The following BCAS3 variants were observed in gnomAD, a reference collection of about 807,000 sequenced individuals.
BCAS3 encodes the protein BCAS3 microtubule associated cell migration factor, also known as BCAS4/BCAS3 fusion.
A neutral mutation model predicts 116.1 loss-of-function variants in BCAS3; 53 were observed. That is an observed-to-expected ratio of 0.46 (90% confidence interval 0.37 to 0.57). The LOEUF is 0.57. Ranked by LOEUF, BCAS3 falls within the 20% of genes least tolerant of loss-of-function variation. BCAS3 has a pLI of 0.00. For synonymous variants in BCAS3, 391 were observed against 408.2 expected (o/e 0.96, Z 0.51); for missense variants, 917 against 1,165.4 (o/e 0.79, Z 3.10).
At chr17:60,823,506 G>A (rs889356375) in intron 7 of BCAS3, among the ~76,000 whole-genome samples, 3 of 152,000 alleles carry the variant, frequency 2.0e-5, no homozygotes, top group African/African-American at 7.3e-5. Flanking sequence ...CAAGGCTGCG[G>A]TGAGTTGTGA....
intron 22 of BCAS3, among the ~76,000 whole-genome samples, chr17:61,237,459 C>T (rs909795269): frequency 3.3e-5 from 5 of 152,208 alleles, no homozygotes; most frequent in Admixed American, 2.0e-4. Context: ...CCGCCAGCAG[C>T]GGCAACCCAC....
At chr17:61,167,727 G>A (rs954276370) in intron 22 of BCAS3, among the ~76,000 whole-genome samples, 4 of 152,170 alleles carry the variant, frequency 2.6e-5, no homozygotes, top group African/African-American at 9.7e-5. Context: ...AGACATTGGA[G>A]GAGAAACCCT....
intron 22 of BCAS3, among the ~76,000 whole-genome samples, chr17:61,298,819 TTTATTA>T (rs1555814151): frequency 1.0e-4 from 10 of 98,092 alleles, no homozygotes; most frequent in Non-Finnish European, 1.6e-4. Flanking sequence ...TATTTATTTA[TTTATTA>T]TTATTATTAT....
rs2050934065 is a variant in BCAS3, at chr17:61,278,166, C to T, written c.2426-90161C>T. 6.6e-6 allele frequency among the ~76,000 whole-genome samples: 1 copy of T among 152,170 alleles called. No homozygotes were observed. Among genetic ancestry groups the T allele is most frequent in the South Asian group, 2.1e-4 (1 of 4,826 alleles). ...CAAGCAATTCTCCTGCCTCAGCCTC[C>T]CGAGTAGCTGGGATTACAGACACAT... On this transcript the variant is annotated intron_variant, in intron 22 of 23. Coordinates refer to ENST00000407086, the MANE Select transcript of BCAS3 (RefSeq NM_017679.5). This position sits in a 1 kb window ranked among gnomAD's most constrained non-coding sequence, Gnocchi z 5.8.
In BCAS3 at chr17:61,332,543, T is replaced by C. The variant is rs2056375833; in HGVS notation, c.2426-35784T>C. On this transcript the variant is annotated intron_variant, in intron 22 of 23. Coordinates refer to ENST00000407086, the MANE Select transcript of BCAS3 (RefSeq NM_017679.5). The surrounding 1 kb of genome is among the most constrained non-coding windows in gnomAD (Gnocchi z 5.4). ...GACTGTTGCAGTTTTACAGAGTTCTTTCCAACTGATTGCCTCTGCTAATCT... is the reference window on the plus strand; with the variant it reads ...GACTGTTGCAGTTTTACAGAGTTCTCTCCAACTGATTGCCTCTGCTAATCT... 6.6e-6 allele frequency among the ~76,000 whole-genome samples: 1 copy of C among 152,182 alleles called. No individual in the cohort carries two copies.
At chr17:60,745,674 T>C (rs1328856767) in intron 5 of BCAS3, among the ~76,000 whole-genome samples, 1 of 152,110 alleles carries the variant, frequency 6.6e-6, no homozygotes, top group Non-Finnish European at 1.5e-5. Flanking sequence ...TAAGTTCTTA[T>C]AGTTTGGAAT....
At chr17:61,127,306 C>G (rs757367053) in intron 22 of BCAS3, among the ~76,000 whole-genome samples, 26 of 152,082 alleles carry the variant, frequency 1.7e-4, no homozygotes, top group Admixed American at 3.3e-4. Flanking sequence ...GGCTTCACCA[C>G]TGAGTTATTC....
chr17:60,893,361 A>G (rs1017980188), intron 10 of BCAS3, among the ~76,000 whole-genome samples: 13 of 152,156 alleles, frequency 8.5e-5, no homozygotes, highest in South Asian at 2.1e-4. Context: ...TAGGATTTCT[A>G]TAGTTTCAGG....
chr17:61,304,106 G>C (rs926258774), intron 22 of BCAS3, among the ~76,000 whole-genome samples: 4 of 152,180 alleles, frequency 2.6e-5, no homozygotes, highest in African/African-American at 9.7e-5. Flanking sequence ...CCTGCTGATT[G>C]TTTCTCTCTA....
intron 22 of BCAS3, among the ~76,000 whole-genome samples, chr17:61,246,792 A>AGTGTGTGTGTGTGTGT (rs61382195): frequency 3.3e-4 from 47 of 144,130 alleles, no homozygotes; most frequent in African/African-American, 1.0e-3. Context: ...TTTGAGTGAG[A>AGTGTGTGTGTGTGTGT]GTGTGTGTGT....
At chr17:61,164,210 G>A (rs1336178331) in intron 22 of BCAS3, among the ~76,000 whole-genome samples, 1 of 151,584 alleles carries the variant, frequency 6.6e-6, no homozygotes, top group Non-Finnish European at 1.5e-5. Flanking sequence ...TCAATGGCAA[G>A]ATGTTGAATT....
At chr17:61,061,903 C>T (rs567836702) in intron 19 of BCAS3, among the ~76,000 whole-genome samples, 1 of 152,054 alleles carries the variant, frequency 6.6e-6, no homozygotes, top group African/African-American at 2.4e-5. Context: ...TGTATAAATA[C>T]AGAGATAATG....
In BCAS3 at chr17:61,333,184, A is replaced by G. The variant is rs943249276; in HGVS notation, c.2426-35143A>G. Among the ~76,000 whole-genome samples, 4 of 152,170 alleles carry G rather than the reference A, an allele frequency of 2.6e-5. No individual in the cohort carries two copies. The highest frequency in any genetic ancestry group is 9.7e-5 in the African/African-American group (4 of 41,422). On this transcript the variant is annotated intron_variant, in intron 22 of 23. Coordinates refer to ENST00000407086, the MANE Select transcript of BCAS3 (RefSeq NM_017679.5). This position sits in a 1 kb window ranked among gnomAD's most constrained non-coding sequence, Gnocchi z 4.8. ...GGTCAGAGAGGACACCTGTGTGATCAGAGAAACAAAGTCTGGTGAGAGGAG... is the reference window on the plus strand; with the variant it reads ...GGTCAGAGAGGACACCTGTGTGATCGGAGAAACAAAGTCTGGTGAGAGGAG...
intron 4 of BCAS3, among the ~76,000 whole-genome samples, chr17:60,692,039 T>C (rs929021407): frequency 2.1e-5 from 3 of 142,108 alleles, no homozygotes; most frequent in Non-Finnish European, 4.6e-5. Flanking sequence ...GCAACAAGAG[T>C]GAAACTCTGT....
Position 61,323,877 on chromosome 17 carries a change from T to G in BCAS3, c.2426-44450T>G, listed in dbSNP as rs147646707. On this transcript the variant is annotated intron_variant, in intron 22 of 23. Coordinates refer to ENST00000407086, the MANE Select transcript of BCAS3 (RefSeq NM_017679.5). The surrounding 1 kb of genome is among the most constrained non-coding windows in gnomAD (Gnocchi z 4.6). Reference sequence around the variant, plus strand: ...CCCCTGTGTGGGTTCCTTGGCTCCGTGTTTCTCGTCTTTCCCAGACGCTTC... The same window carrying G: ...CCCCTGTGTGGGTTCCTTGGCTCCGGGTTTCTCGTCTTTCCCAGACGCTTC... 3.9e-5 allele frequency among the ~76,000 whole-genome samples: 6 copies of G among 152,340 alleles called. No homozygotes were observed. Among genetic ancestry groups the G allele is most frequent in the South Asian group, 2.1e-4 (1 of 4,826 alleles).
At chr17:60,743,948 AT>A (rs1417830989) in intron 5 of BCAS3, among the ~76,000 whole-genome samples, 1 of 152,026 alleles carries the variant, frequency 6.6e-6, no homozygotes, top group African/African-American at 2.4e-5. Context: ...GTTGGAAAAG[AT>A]TTTTTTTCCT....
chr17:60,970,464 A>C (rs1250358871), intron 14 of BCAS3, among the ~76,000 whole-genome samples: 2 of 152,214 alleles, frequency 1.3e-5, no homozygotes, highest in African/African-American at 4.8e-5. Flanking sequence ...TTGAATATAG[A>C]GACATTAATA....
chr17:61,270,629 T>C (rs555258660), intron 22 of BCAS3, among the ~76,000 whole-genome samples: 2 of 152,348 alleles, frequency 1.3e-5, no homozygotes, highest in African/African-American at 2.4e-5. Context: ...TTTCATTGCC[T>C]GCGCTTTTGT....
rs1026792774 is a variant in BCAS3 at position 61,084,184 on chromosome 17, T to C, written c.2328-283T>C. Among the ~76,000 whole-genome samples the C allele has an allele frequency of 3.3e-5, 5 of 150,494 alleles. No individual in the cohort carries two copies. Among genetic ancestry groups the C allele is most frequent in the African/African-American group, 1.0e-4 (4 of 39,768 alleles). On this transcript the variant is annotated intron_variant, in intron 21 of 23. Coordinates refer to ENST00000407086, the MANE Select transcript of BCAS3 (RefSeq NM_017679.5). This position sits in a 1 kb window ranked among gnomAD's most constrained non-coding sequence, Gnocchi z 5.5. The stretch of plus-strand genomic sequence containing the variant: ...TTAATTTCCTCTCCCATTCTACTTA[T>C]TGTATCCCTTTAAATTAATGTCAGC...
Sources: gnomAD v4.1 joint callset for allele counts (sites outside exome capture counted in the v4.1 genomes callset) on GRCh38, gnomAD v4.1.1 for gene constraint, Gnocchi (gnomAD v3.1) non-coding constraint, MANE v1.5 for transcripts, NCBI Gene and HGNC (gene_info 2026-07-23, HGNC 2026-07-21) for gene names.